Variants in CDH13 observed in about 807,000 individuals in gnomAD.
The protein encoded by CDH13 is cadherin 13.
Under a neutral mutation model 63.8 loss-of-function variants are expected in CDH13, and 24 were observed. That is an observed-to-expected ratio of 0.38 (90% confidence interval 0.27 to 0.53). The LOEUF is 0.53. Among genes scored for constraint, CDH13 ranks in the 20% least tolerant of loss-of-function variants. CDH13 has a pLI of 0.85. For synonymous variants in CDH13, 503 were observed against 355.3 expected (o/e 1.42, Z -4.67); for missense variants, 1,049 against 903.1 (o/e 1.16, Z -2.07).
chr16:83,235,327 G>A (rs554708030), intron 5 of CDH13, among the ~76,000 whole-genome samples: 8 of 152,252 alleles, frequency 5.3e-5, no homozygotes, highest in South Asian at 2.1e-4. Flanking sequence ...GTGTCACTGC[G>A]GAGAAGCCCC....
rs568135549 is a variant in CDH13, at chr16:83,207,841, C to A, written c.484-9504C>A. Reference sequence around the variant, plus strand: ...CACTCTCAGAAAATAATGCAAAAAACCCAACAATGAACATTGACTTCCTTA... The same window carrying A: ...CACTCTCAGAAAATAATGCAAAAAAACCAACAATGAACATTGACTTCCTTA... On this transcript the variant is annotated intron_variant, in intron 4 of 13. Transcript: ENST00000567109. 1.1e-4 allele frequency among the ~76,000 whole-genome samples: 16 copies of A among 149,834 alleles called. 1 individual carries two copies. In the South Asian group the frequency reaches 3.4e-3, roughly 32 times the overall value.
chr16:83,678,393 C>G lies in CDH13; in HGVS notation c.1470C>G (p.Leu490=), dbSNP rs950011831. 2.2e-5 allele frequency: 35 copies of G among 1,613,916 alleles called. No homozygotes were observed. The highest frequency in any genetic ancestry group is 2.5e-5 in the Non-Finnish European group (30 of 1,179,908). Residue 490 remains leucine, a synonymous_variant, in exon 10 of 14, where the codon CTC becomes CTG. Transcript: ENST00000567109. The part of the protein sequence containing the change: ...DPMMVTRQED[L]SVGSVLLTVN... Reference sequence around the variant, plus strand: ...TGATGGTGACCAGGCAGGAGGACCTCTCTGTGGGCAGCGTGCTGCTGACAG... The same window carrying G: ...TGATGGTGACCAGGCAGGAGGACCTGTCTGTGGGCAGCGTGCTGCTGACAG...
intron 1 of CDH13, among the ~76,000 whole-genome samples, chr16:82,658,010 C>G (rs991524935): frequency 2.0e-5 from 3 of 152,134 alleles, no homozygotes; most frequent in Non-Finnish European, 2.9e-5. Flanking sequence ...ATCAGGAAAG[C>G]TAGTTTCCTA....
intron 5 of CDH13, among the ~76,000 whole-genome samples, chr16:83,309,195 G>C (rs1159290874): frequency 6.6e-6 from 1 of 152,176 alleles, no homozygotes; most frequent in East Asian, 1.9e-4. Flanking sequence ...GTTATACCGA[G>C]TGCTTGCCTA....
At chr16:83,235,341 GTAA>G (rs2040113456) in intron 5 of CDH13, among the ~76,000 whole-genome samples, 1 of 152,142 alleles carries the variant, frequency 6.6e-6, no homozygotes, top group South Asian at 2.1e-4. Flanking sequence ...AAGCCCCGGT[GTAA>G]AATGAAAATA....
chr16:82,716,495 A>C (rs1270589647), intron 1 of CDH13, among the ~76,000 whole-genome samples: 1 of 151,542 alleles, frequency 6.6e-6, no homozygotes, highest in Non-Finnish European at 1.5e-5. Context: ...GCCACAAAAA[A>C]TTATTAAACA....
At chr16:83,675,402 C>T (rs541389521) in intron 9 of CDH13, among the ~76,000 whole-genome samples, 60 of 152,298 alleles carry the variant, frequency 3.9e-4, no homozygotes, top group Middle Eastern at 3.4e-3. Flanking sequence ...CTCCCTCCCT[C>T]GCTGCTCCCC....
intron 2 of CDH13, among the ~76,000 whole-genome samples, chr16:83,016,492 T>G (rs1219653080): frequency 6.6e-6 from 1 of 152,206 alleles, no homozygotes; most frequent in Non-Finnish European, 1.5e-5. Context: ...TCAAGGATCT[T>G]CCAGATTACC....
intron 10 of CDH13, among the ~76,000 whole-genome samples, chr16:83,682,984 G>C (rs1299792079): frequency 1.3e-5 from 2 of 152,062 alleles, no homozygotes; most frequent in Non-Finnish European, 2.9e-5. Flanking sequence ...CCAACTCCTG[G>C]GCCACGTCCT....
At chr16:83,779,428 A>AAAAAG (rs1230153465) in intron 11 of CDH13, among the ~76,000 whole-genome samples, 5 of 149,652 alleles carry the variant, frequency 3.3e-5, no homozygotes, top group African/African-American at 1.2e-4. Flanking sequence ...AAAAAAAAAA[A>AAAAAG]AAAAAAAAAA....
At chr16:82,764,814 TC>T (rs2034989408) in intron 1 of CDH13, among the ~76,000 whole-genome samples, 2 of 149,874 alleles carry the variant, frequency 1.3e-5, no homozygotes, top group African/African-American at 4.9e-5. Context: ...TTTCATTCAT[TC>T]TTTTTTTTTT....
intron 5 of CDH13, among the ~76,000 whole-genome samples, chr16:83,234,616 A>T (rs1380205206): frequency 6.6e-6 from 1 of 152,154 alleles, no homozygotes. Flanking sequence ...TTCCTGAATG[A>T]TCACTTAGAA....
chr16:82,802,324 C>G (rs2036903359), intron 1 of CDH13, among the ~76,000 whole-genome samples: 1 of 152,160 alleles, frequency 6.6e-6, no homozygotes, highest in African/African-American at 2.4e-5. Context: ...ACCAGCATTA[C>G]AGATAACCAG....
At chr16:83,748,697 C>A (rs173839) in intron 11 of CDH13, among the ~76,000 whole-genome samples, 101,097 of 152,038 alleles carry the variant, frequency 0.66, 33,833 homozygotes, top group African/African-American at 0.73. Flanking sequence ...CATCAGGTAC[C>A]CTCAGTTAGT....
intron 1 of CDH13, among the ~76,000 whole-genome samples, chr16:82,804,966 T>C (rs2037071640): frequency 6.6e-6 from 1 of 152,244 alleles, no homozygotes; most frequent in Non-Finnish European, 1.5e-5. Flanking sequence ...AGTTATCTAC[T>C]TAGCAGATGT....
intron 1 of CDH13, among the ~76,000 whole-genome samples, chr16:82,806,428 G>A (rs560810025): frequency 1.5e-3 from 224 of 152,186 alleles, no homozygotes; most frequent in African/African-American, 5.3e-3. Context: ...ACAAGAATGT[G>A]GGTTCTTACA....
chr16:83,272,946 T>C (rs1192209175), intron 5 of CDH13, among the ~76,000 whole-genome samples: 2 of 152,166 alleles, frequency 1.3e-5, no homozygotes, highest in African/African-American at 2.4e-5. Flanking sequence ...TTCTAATTGT[T>C]AATATAGTAC....
intron 11 of CDH13, among the ~76,000 whole-genome samples, chr16:83,759,385 A>G (rs894788197): frequency 3.3e-5 from 5 of 152,208 alleles, no homozygotes; most frequent in Non-Finnish European, 5.9e-5. Context: ...ACCATATACA[A>G]TAATTAATTC....
intron 7 of CDH13, among the ~76,000 whole-genome samples, chr16:83,570,429 CA>C (rs1904467742): frequency 6.6e-6 from 1 of 152,090 alleles, no homozygotes; most frequent in Admixed American, 6.6e-5. Context: ...CCATTTAACC[CA>C]ACCCTTTCTG....
Sources: gnomAD v4.1 joint callset for allele counts (sites outside exome capture counted in the v4.1 genomes callset) on GRCh38, gnomAD v4.1.1 for gene constraint, MANE v1.5 for transcripts, NCBI Gene and HGNC (gene_info 2026-07-23, HGNC 2026-07-21) for gene names.